The following MCC variants were observed in gnomAD, a reference collection of about 807,000 sequenced individuals.
MCC encodes the protein colorectal mutant cancer protein.
Under a neutral mutation model 116.2 loss-of-function variants are expected in MCC, and 90 were observed. The ratio of observed to expected loss-of-function variants is 0.77; its 90% CI spans 0.65 to 0.92. MCC has a LOEUF of 0.92. MCC is among the 40% of genes least tolerant of loss of function. The probability of loss-of-function intolerance (pLI) is 0.00; values close to 1 mark genes in which losing one functional copy is unlikely to be tolerated. For missense variants in MCC, 1,516 were observed against 1,312.2 expected (o/e 1.16, Z -2.40); for synonymous variants, 578 against 510.5 (o/e 1.13, Z -1.78).
At position 113,122,835 on chromosome 5, in the gene MCC, A is replaced by C. The variant is rs1757817209; in HGVS notation, c.885-9T>G. On this transcript the variant is annotated splice_polypyrimidine_tract_variant and intron_variant, in intron 5 of 18. Coordinates refer to ENST00000408903, the MANE Select transcript of MCC (RefSeq NM_001085377.2). ...AGTACTCATCTTCCTCCCTGAGAAA[A>C]AAGGAGAATTGGCAACCACTAACAG... 1.2e-6 allele frequency: 2 copies of C among 1,613,990 alleles called. No homozygotes were observed. The highest frequency in any genetic ancestry group is 2.7e-5 in the African/African-American group (2 of 74,922).
At chr5:113,083,097 G>A (rs1476701897) in intron 10 of MCC, 89 bp from the exon 11 acceptor site, 22 of 1,287,534 alleles carry the variant, frequency 1.7e-5, no homozygotes, top group Middle Eastern at 2.0e-4. Flanking sequence ...CTGATATTCC[G>A]TGAGAATCGG....
chr5:113,178,870 T>A (rs1761468595), intron 3 of MCC, among the ~76,000 whole-genome samples: 1 of 152,136 alleles, frequency 6.6e-6, no homozygotes, highest in African/African-American at 2.4e-5. Flanking sequence ...CTGTGGTCTC[T>A]TGTGATTACA....
chr5:113,097,530 T>A (rs1388485232), intron 8 of MCC, among the ~76,000 whole-genome samples: 1 of 152,182 alleles, frequency 6.6e-6, no homozygotes, highest in East Asian at 1.9e-4. Context: ...TATACAGCTA[T>A]AAATTCATAA....
At chr5:113,344,264 C>T (rs1467164928) in intron 2 of MCC, among the ~76,000 whole-genome samples, 1 of 152,166 alleles carries the variant, frequency 6.6e-6, no homozygotes, top group East Asian at 1.9e-4. Context: ...GGGAATTGCC[C>T]ATCCCAGCAG....
intron 3 of MCC, among the ~76,000 whole-genome samples, chr5:113,155,884 T>G (rs949230581): frequency 3.9e-5 from 6 of 152,186 alleles, no homozygotes; most frequent in Non-Finnish European, 7.4e-5. Flanking sequence ...CATCCTTCAG[T>G]GTAGTTTGCG....
chr5:113,232,955 G>C (rs942802216), intron 3 of MCC, among the ~76,000 whole-genome samples: 1 of 152,164 alleles, frequency 6.6e-6, no homozygotes. Flanking sequence ...GATTGGAGAA[G>C]TCTGAAGCGT....
At chr5:113,095,282 C>T (rs1471249248) in intron 8 of MCC, among the ~76,000 whole-genome samples, 1 of 152,118 alleles carries the variant, frequency 6.6e-6, no homozygotes, top group African/African-American at 2.4e-5. Context: ...ACAACTGCCT[C>T]CCCTAATAAG....
intron 3 of MCC, among the ~76,000 whole-genome samples, chr5:113,183,121 T>TA (rs1761713985): frequency 6.6e-6 from 1 of 152,184 alleles, no homozygotes; most frequent in Non-Finnish European, 1.5e-5. Context: ...TGCCAGATGA[T>TA]ACGCCTCACG....
At chr5:113,194,415 G>A (rs140597249) in intron 3 of MCC, among the ~76,000 whole-genome samples, 206 of 152,190 alleles carry the variant, frequency 1.4e-3, no homozygotes, top group African/African-American at 4.7e-3. Context: ...CCTGAATACC[G>A]ACAATTTAGG....
chr5:113,063,518 G>C (rs1481127742), intron 14 of MCC, among the ~76,000 whole-genome samples: 1 of 152,202 alleles, frequency 6.6e-6, no homozygotes, highest in Non-Finnish European at 1.5e-5. Flanking sequence ...TGCCTGAGAA[G>C]AGCTTATAGA....
chr5:113,238,380 T>G (rs1458779340), intron 3 of MCC, among the ~76,000 whole-genome samples: 1 of 152,212 alleles, frequency 6.6e-6, no homozygotes, highest in Non-Finnish European at 1.5e-5. Context: ...TTTGTATATT[T>G]CATTCCAGTC....
At chr5:113,442,985 C>G (rs895548490) in intron 1 of MCC, among the ~76,000 whole-genome samples, 2 of 152,248 alleles carry the variant, frequency 1.3e-5, no homozygotes, top group South Asian at 4.1e-4. Context: ...TATGCAAGGT[C>G]TTTTTTGGTT....
chr5:113,403,244 T>C (rs1351508993), intron 1 of MCC, among the ~76,000 whole-genome samples: 1 of 152,168 alleles, frequency 6.6e-6, no homozygotes, highest in Non-Finnish European at 1.5e-5. Flanking sequence ...TAGCTTGCCA[T>C]CATTGTTTAC....
At chr5:113,246,345 T>C (rs1005968194) in intron 3 of MCC, among the ~76,000 whole-genome samples, 3 of 152,196 alleles carry the variant, frequency 2.0e-5, no homozygotes, top group Non-Finnish European at 4.4e-5. Context: ...TTTAAAGCAA[T>C]TTCTCGTGAA....
At chr5:113,215,468 G>A (rs1257303019) in intron 3 of MCC, among the ~76,000 whole-genome samples, 1 of 152,136 alleles carries the variant, frequency 6.6e-6, no homozygotes, top group Non-Finnish European at 1.5e-5. Flanking sequence ...TGTGATAGTG[G>A]TTAAGGGTGG....
At chr5:113,454,894 T>C (rs926874317) in intron 1 of MCC, among the ~76,000 whole-genome samples, 2 of 152,126 alleles carry the variant, frequency 1.3e-5, no homozygotes, top group Non-Finnish European at 2.9e-5. Context: ...AACTGAATAA[T>C]ATTAAATAAA....
At chr5:113,415,084 G>C (rs1182669363) in intron 1 of MCC, among the ~76,000 whole-genome samples, 1 of 152,146 alleles carries the variant, frequency 6.6e-6, no homozygotes, top group African/African-American at 2.4e-5. Flanking sequence ...TAAGAATGTT[G>C]AATATTGGCC....
rs529199236 is a variant in MCC, at chr5:113,347,734, C to A, written c.416-7004G>T. 4.6e-5 allele frequency among the ~76,000 whole-genome samples: 7 copies of A among 152,064 alleles called. No homozygotes were observed. In the South Asian group the frequency reaches 1.2e-3, roughly 27 times the overall value. ...AGAGTAAGTCCTTACTTACCAATAA[C>A]AACATTAAATGTAAATGAACTAAAC... is the stretch of plus-strand genomic sequence containing the variant. On this transcript the variant is annotated intron_variant, in intron 2 of 18. Transcript: ENST00000408903.
chr5:113,125,097 C>A (rs1033659300), intron 5 of MCC, among the ~76,000 whole-genome samples: 1 of 152,200 alleles, frequency 6.6e-6, no homozygotes, highest in Non-Finnish European at 1.5e-5. Flanking sequence ...AGGATGGAAA[C>A]ATGAGGCTGG....
Sources: allele counts gnomAD v4.1 joint callset (sites outside exome capture counted in the v4.1 genomes callset), GRCh38; gene constraint gnomAD v4.1.1; transcripts MANE v1.5; gene names NCBI Gene and HGNC (gene_info 2026-07-23, HGNC 2026-07-21).